Variants in SPHKAP observed in about 807,000 individuals in gnomAD.
SPHKAP encodes the protein SPHK1 interactor, AKAP domain containing.
Under a neutral mutation model 137.5 loss-of-function variants are expected in SPHKAP, and 67 were observed. The observed-to-expected ratio is 0.49, with a 90% confidence interval of 0.40 to 0.60. The LOEUF is 0.60. Ranked by LOEUF, SPHKAP falls within the 20% of genes least tolerant of loss-of-function variation. The pLI, the probability that SPHKAP is intolerant of heterozygous loss-of-function variation, is 0.00. For missense variants in SPHKAP, 2,097 were observed against 2,069.3 expected (o/e 1.01, Z -0.26); for synonymous variants, 813 against 785.3 (o/e 1.04, Z -0.59).
chr2:228,035,462 T>C (rs1479315452), intron 3 of SPHKAP, among the ~76,000 whole-genome samples: 3 of 151,962 alleles, frequency 2.0e-5, no homozygotes, highest in Non-Finnish European at 4.4e-5. Flanking sequence ...CTGCCCAAGG[T>C]AATTTATAGA....
At chr2:228,119,016 G>A (rs988289962) in intron 2 of SPHKAP, among the ~76,000 whole-genome samples, 1 of 152,170 alleles carries the variant, frequency 6.6e-6, no homozygotes, top group African/African-American at 2.4e-5. Context: ...AAGGGATAAG[G>A]AAATAAGGGG....
intron 3 of SPHKAP, among the ~76,000 whole-genome samples, chr2:228,095,285 G>A (rs914646787): frequency 2.0e-5 from 3 of 152,288 alleles, no homozygotes; most frequent in South Asian, 2.1e-4. Flanking sequence ...AAAGATAGCC[G>A]TGGCTGAAAC....
At chr2:227,986,183 TC>T (rs1183524065) in intron 11 of SPHKAP, among the ~76,000 whole-genome samples, 1 of 152,236 alleles carries the variant, frequency 6.6e-6, no homozygotes, top group East Asian at 1.9e-4. Context: ...CTTCTAATTT[TC>T]CCCTTCCTTT....
intron 3 of SPHKAP, among the ~76,000 whole-genome samples, chr2:228,039,440 G>GT (rs1553616241): frequency 7.4e-3 from 442 of 60,058 alleles, no homozygotes; most frequent in Middle Eastern, 0.026. Flanking sequence ...GAAATACACA[G>GT]TTTTTTTTAG....
chr2:228,164,886 C>A (rs1559210043), intron 1 of SPHKAP, among the ~76,000 whole-genome samples: 1 of 152,174 alleles, frequency 6.6e-6, no homozygotes, highest in African/African-American at 2.4e-5. Flanking sequence ...TTCTTAAAGA[C>A]CATGTTCCCT....
chr2:228,017,046 C>G lies in SPHKAP; in HGVS notation c.3808G>C (p.Asp1270His), dbSNP rs750948775. 1.1e-5 allele frequency: 17 copies of G among 1,613,966 alleles called. No individual in the cohort carries two copies. In the East Asian group the frequency reaches 3.3e-4, roughly 32 times the overall value. The change falls in exon 7 of 12, where the codon GAT becomes CAT. Residue 1270 changes from aspartate to histidine, a missense_variant. Physicochemically the swap from Asp to His is moderately conservative, Grantham distance 81. Coordinates refer to ENST00000392056, the MANE Select transcript of SPHKAP (RefSeq NM_001142644.2). ...CTGACCGGCTGCACGCTTAGGAAAT[C>G]TTGTGGGCAGTTCTGAGCAAAGCCA... ...LDGFAQNCPQ[D>H]FLSVQPVSSA...
At chr2:227,993,459 T>C (rs1004229947) in intron 9 of SPHKAP, 75 bp downstream of exon 9, 161 of 1,367,180 alleles carry the variant, frequency 1.2e-4, no homozygotes, top group Non-Finnish European at 1.6e-4. Flanking sequence ...GGGCACAACC[T>C]GAATGATCAA....
At chr2:228,161,430 G>C (rs923827986) in intron 1 of SPHKAP, among the ~76,000 whole-genome samples, 1 of 152,178 alleles carries the variant, frequency 6.6e-6, no homozygotes, top group Non-Finnish European at 1.5e-5. Context: ...GAAGAAAAAA[G>C]TTCGTAAGAT....
intron 3 of SPHKAP, among the ~76,000 whole-genome samples, chr2:228,070,112 C>T (rs1027068335): frequency 2.6e-5 from 4 of 152,158 alleles, no homozygotes; most frequent in Non-Finnish European, 4.4e-5. Flanking sequence ...GTAAAAAATC[C>T]ACATATAACT....
intron 11 of SPHKAP, among the ~76,000 whole-genome samples, chr2:227,988,291 G>T (rs1693289879): frequency 6.6e-6 from 1 of 152,168 alleles, no homozygotes; most frequent in African/African-American, 2.4e-5. Context: ...AGGAGATTTT[G>T]TTCCTAAGAT....
intron 2 of SPHKAP, among the ~76,000 whole-genome samples, chr2:228,127,603 C>A (rs1699115946): frequency 6.6e-6 from 1 of 152,132 alleles, no homozygotes; most frequent in African/African-American, 2.4e-5. Context: ...CAGCCCTTTC[C>A]AAGTTTGGGT....
chr2:228,152,571 T>C (rs148034469), intron 1 of SPHKAP, among the ~76,000 whole-genome samples: 50 of 152,276 alleles, frequency 3.3e-4, no homozygotes, highest in African/African-American at 1.2e-3. Flanking sequence ...TTGCAGCATT[T>C]AGTTCATTTA....
At chr2:228,063,206 A>G (rs75828104) in intron 3 of SPHKAP, among the ~76,000 whole-genome samples, 3 of 148,298 alleles carry the variant, frequency 2.0e-5, no homozygotes, top group East Asian at 2.0e-4. Context: ...CTATCTATCT[A>G]TCTATTTACC....
chr2:228,136,019 T>G lies in SPHKAP; in HGVS notation c.33-3934A>C, dbSNP rs142118669. 2.0e-3 allele frequency among the ~76,000 whole-genome samples: 307 copies of G among 152,268 alleles called. 1 individual carries two copies. Among genetic ancestry groups the G allele is most frequent in the Admixed American group, 6.4e-3 (98 of 15,294 alleles). On this transcript the variant is annotated intron_variant, in intron 1 of 11. Coordinates refer to ENST00000392056, the MANE Select transcript of SPHKAP (RefSeq NM_001142644.2). ...CCATACCTTTTGGATGGAGAAAGAA[T>G]TTTTAGAGTATTTACAATGATGCTG...
chr2:228,001,418 AAT>A (rs1693873832), intron 7 of SPHKAP, among the ~76,000 whole-genome samples: 2 of 141,364 alleles, frequency 1.4e-5, no homozygotes, highest in Non-Finnish European at 3.1e-5. Context: ...AATATATATA[AAT>A]ATATACATAT....
chr2:228,133,243 G>A (rs1699317305), intron 1 of SPHKAP, among the ~76,000 whole-genome samples: 1 of 152,010 alleles, frequency 6.6e-6, no homozygotes, highest in Non-Finnish European at 1.5e-5. Flanking sequence ...GGAGGTGGAG[G>A]TTGCAGTGAG....
In SPHKAP at chr2:228,021,821, A is replaced by ATGTT; in HGVS notation, c.583_586dup (p.Ile196LysfsTer8). On this transcript the variant is annotated frameshift_variant, in exon 6 of 12. Transcript: ENST00000392056. LOFTEE classifies it high-confidence loss of function. ...GTTCGTGTCATCCTCCAGTTTCAAG[A>ATGTT]TGTTTGTTTCCAGGTGGAGCTGTCG... 6.2e-7 allele frequency: 1 copy of ATGTT among 1,614,142 alleles called. No individual in the cohort carries two copies.
Position 228,018,407 on chromosome 2 carries a change from C to T in SPHKAP, c.2447G>A (p.Arg816His), listed in dbSNP as rs201425414. The change falls in exon 7 of 12, where the codon CGT (arginine) becomes CAT (histidine). Residue 816 changes from arginine (R) to histidine (H), a missense_variant. Arg to His is a conservative substitution (Grantham distance 29). Coordinates refer to ENST00000392056, the MANE Select transcript of SPHKAP (RefSeq NM_001142644.2). Reference protein sequence around the residue: ...KNPTLQSQLSRSHRVPDSSTA... With the variant: ...KNPTLQSQLSHSHRVPDSSTA... The stretch of plus-strand genomic sequence containing the variant: ...TGAAGAATCGGGCACTCTGTGACTA[C>T]GTGATAATTGTGACTGCAGCGTGGG... 104 of 1,613,874 alleles carry T rather than the reference C, an allele frequency of 6.4e-5. No individual in the cohort carries two copies. Among genetic ancestry groups the T allele is most frequent in the African/African-American group, 2.3e-4 (17 of 74,922 alleles).
In SPHKAP at chr2:228,062,413, G is replaced by A. The variant is rs188816129; in HGVS notation, c.247-34870C>T. Among the ~76,000 whole-genome samples, 990 of 152,072 alleles carry A rather than the reference G, an allele frequency of 6.5e-3. 34 individuals carry two copies. Among genetic ancestry groups the A allele is most frequent in the Admixed American group, 0.056 (858 of 15,270 alleles). On this transcript the variant is annotated intron_variant, in intron 3 of 11. Coordinates refer to ENST00000392056, the MANE Select transcript of SPHKAP (RefSeq NM_001142644.2). ...GTGCTGGGATTACAGGCAGGCGTGA[G>A]CCACCACACCCGGCCTCCCCAGACC...
Sources: allele counts gnomAD v4.1 joint callset (sites outside exome capture counted in the v4.1 genomes callset), GRCh38; gene constraint gnomAD v4.1.1; transcripts MANE v1.5; gene names NCBI Gene and HGNC (gene_info 2026-07-23, HGNC 2026-07-21).